Variants in QKI observed in about 807,000 individuals in gnomAD.
QKI encodes QKI, KH domain containing RNA binding, also known as KH domain-containing RNA-binding protein QKI.
QKI carries 10 observed loss-of-function variants against 39.0 expected under a neutral mutation model. The ratio of observed to expected loss-of-function variants is 0.26; its 90% CI spans 0.16 to 0.43. The LOEUF (loss-of-function observed/expected upper bound fraction) is 0.43, where lower values mean the gene tolerates loss of function less well. QKI is among the 20% of genes least tolerant of loss of function. The pLI is 1.00. For missense variants in QKI, 218 were observed against 428.0 expected, an observed-to-expected ratio of 0.51 and a Z score of 4.33; for synonymous variants, 204 against 155.4, an observed-to-expected ratio of 1.31 and a Z score of -2.33.
rs532780495 is a variant in QKI at position 163,419,725 on chromosome 6, A to C, written c.142+4390A>C. Reference sequence around the variant, plus strand: ...TGTAGGTGGAACGTGATTCCTTTGGAAACTGTATCCAGTTTACATGTTTTG... The same window carrying C: ...TGTAGGTGGAACGTGATTCCTTTGGCAACTGTATCCAGTTTACATGTTTTG... On this transcript the variant is annotated intron_variant, in intron 1 of 7. Transcript: ENST00000361752. 2.6e-5 allele frequency among the ~76,000 whole-genome samples: 4 copies of C among 152,312 alleles called. No individual in the cohort carries two copies. The East Asian group carries it at 7.7e-4, about 29-fold the overall frequency.
At chr6:163,552,206 C>CGT (rs1782273438) in intron 4 of QKI, among the ~76,000 whole-genome samples, 3 of 101,770 alleles carry the variant, frequency 2.9e-5, no homozygotes, top group East Asian at 3.0e-4. Flanking sequence ...TTCGTTCGTT[C>CGT]TTTTTTTTTT....
chr6:163,481,363 C>T (rs1378459748), intron 3 of QKI, among the ~76,000 whole-genome samples: 1 of 152,136 alleles, frequency 6.6e-6, no homozygotes, highest in Non-Finnish European at 1.5e-5. Context: ...TGGTCTGAAT[C>T]CTTCCCTACA....
At chr6:163,562,562 G>A (rs1783101260) in intron 5 of QKI, among the ~76,000 whole-genome samples, 1 of 152,050 alleles carries the variant, frequency 6.6e-6, no homozygotes, top group African/African-American at 2.4e-5. Flanking sequence ...GAGATCAGTG[G>A]GTGATAACTC....
chr6:163,518,670 T>C (rs752586361), intron 3 of QKI, among the ~76,000 whole-genome samples: 2 of 152,150 alleles, frequency 1.3e-5, no homozygotes, highest in Non-Finnish European at 2.9e-5. Context: ...GAGATACAAA[T>C]TTAGGTGTTA....
At chr6:163,569,777 G>A (rs1366112429) in intron 7 of QKI, 1 of 987,778 alleles carries the variant, frequency 1.0e-6, no homozygotes, top group African/African-American at 1.7e-5. Context: ...TGTATTTGCA[G>A]AGTATTAGCT....
chr6:163,447,825 G>T (rs1790265928), intron 1 of QKI, among the ~76,000 whole-genome samples: 1 of 152,096 alleles, frequency 6.6e-6, no homozygotes, highest in Non-Finnish European at 1.5e-5. Flanking sequence ...TCCCATGCTT[G>T]CAGTGTTTTG....
intron 4 of QKI, among the ~76,000 whole-genome samples, chr6:163,551,854 A>C (rs577976143): frequency 1.4e-4 from 21 of 152,330 alleles, no homozygotes; most frequent in Non-Finnish European, 2.8e-4. Context: ...ACATATCTTC[A>C]TGGGTAAGTT....
intron 2 of QKI, among the ~76,000 whole-genome samples, chr6:163,459,934 A>G (rs1296900629): frequency 1.3e-5 from 2 of 152,262 alleles, no homozygotes; most frequent in Non-Finnish European, 2.9e-5. Context: ...GAGATGTGTT[A>G]TAAATGATTA....
At position 163,570,987 on chromosome 6, in the gene QKI, A is replaced by T; in HGVS notation, c.*277A>T. Reference sequence around the variant, plus strand: ...AATAAGGCCCAATTCATCCCACAGCACTGATCATCTTTTAATATCCCACCC... The same window carrying T: ...AATAAGGCCCAATTCATCCCACAGCTCTGATCATCTTTTAATATCCCACCC... On this transcript the variant is annotated 3_prime_UTR_variant, in exon 8 of 8. Coordinates refer to ENST00000361752, the MANE Select transcript of QKI (RefSeq NM_006775.3). The T allele has an allele frequency of 3.2e-6, 1 of 311,170 alleles. No homozygotes were observed. The highest frequency in any genetic ancestry group is 5.8e-6 in the Non-Finnish European group (1 of 171,268). 19.3% of individuals were successfully genotyped at this position (311,170 alleles called of 1,614,324 possible).
rs1280387098 is a variant in QKI at position 163,437,503 on chromosome 6, A to T, written c.143-17776A>T. 2.0e-5 allele frequency among the ~76,000 whole-genome samples: 3 copies of T among 152,288 alleles called. No individual in the cohort carries two copies. In the East Asian group the frequency reaches 5.8e-4, roughly 29 times the overall value. On this transcript the variant is annotated intron_variant, in intron 1 of 7. Transcript: ENST00000361752. Reference sequence around the variant, plus strand: ...GTTATGTGCTTAAATCCACACCCGAAATGTAGCCATAATTTAGTTCAAGAT... The same window carrying T: ...GTTATGTGCTTAAATCCACACCCGATATGTAGCCATAATTTAGTTCAAGAT...
In QKI at chr6:163,414,771, A is replaced by C. The variant is rs969736481; in HGVS notation, c.-423A>C. The C allele has an allele frequency of 6.8e-6, 1 of 147,404 alleles. No homozygotes were observed. Among genetic ancestry groups the C allele is most frequent in the Non-Finnish European group, 1.5e-5 (1 of 66,424 alleles). The allele number at this position is 147,404 out of a possible 1,614,324, so 9.1% of individuals were successfully genotyped here. On this transcript the variant is annotated 5_prime_UTR_variant, in exon 1 of 8. Coordinates refer to ENST00000361752, the MANE Select transcript of QKI (RefSeq NM_006775.3). The stretch of plus-strand genomic sequence containing the variant: ...GGCGCCGCGGCGGGGACCAGCCCAG[A>C]GAGACCCCCCGAGCCCGCGGCACAG...
At position 163,415,049 on chromosome 6, in the gene QKI, T is replaced by TCGGCGCGGGAGC. The variant is rs1787313665; in HGVS notation, c.-143_-132dup. ...CGCGCGGTGCCGGCCGCCCCGGGGC[T>TCGGCGCGGGAGC]CGGCGCGGGAGCCAGAGCGGGAGCC... is the stretch of plus-strand genomic sequence containing the variant. On this transcript the variant is annotated 5_prime_UTR_variant, in exon 1 of 8. Transcript: ENST00000361752. 3.6e-6 allele frequency: 3 copies of TCGGCGCGGGAGC among 843,560 alleles called. No homozygotes were observed. Among genetic ancestry groups the TCGGCGCGGGAGC allele is most frequent in the African/African-American group, 1.9e-5 (1 of 52,184 alleles). The allele number at this position is 843,560 out of a possible 1,614,324, so 52.3% of individuals were successfully genotyped here.
rs541180038 is a variant in QKI at position 163,497,777 on chromosome 6, T to G, written c.402+18881T>G. On this transcript the variant is annotated intron_variant, in intron 3 of 7. Transcript: ENST00000361752. Reference sequence around the variant, plus strand: ...TTGCCTAGGATAGTTTTAGCTATATTTATTGTCTAGTTGTAATTACTAATA... The same window carrying G: ...TTGCCTAGGATAGTTTTAGCTATATGTATTGTCTAGTTGTAATTACTAATA... Among the ~76,000 whole-genome samples the G allele has an allele frequency of 1.4e-4, 21 of 151,742 alleles. 1 individual carries two copies. Among genetic ancestry groups the G allele is most frequent in the Admixed American group, 4.6e-4 (7 of 15,236 alleles).
intron 4 of QKI, among the ~76,000 whole-genome samples, chr6:163,538,498 G>A (rs890253757): frequency 6.6e-6 from 1 of 152,172 alleles, no homozygotes; most frequent in African/African-American, 2.4e-5. Context: ...CTGAAGAGCA[G>A]TAGGAGGTGA....
Position 163,572,615 on chromosome 6 carries a change from GTGAATA to G in QKI, c.*1906_*1911del, listed in dbSNP as rs1187247602. ...GCAAAGCCTACATCTAAACACTTGA[GTGAATA>G]ATCATTAACTGCTCAGTACCAGACG... On this transcript the variant is annotated 3_prime_UTR_variant, in exon 8 of 8. Coordinates refer to ENST00000361752, the MANE Select transcript of QKI (RefSeq NM_006775.3). 1 of 138,132 alleles carries G rather than the reference GTGAATA, an allele frequency of 7.2e-6. No individual in the cohort carries two copies. Among genetic ancestry groups the G allele is most frequent in the Non-Finnish European group, 1.5e-5 (1 of 66,348 alleles). 8.6% of individuals were successfully genotyped at this position (138,132 alleles called of 1,614,324 possible). A position where few individuals can be genotyped will look rare whatever the true frequency, so the allele number is the denominator to read the frequency against.
intron 4 of QKI, among the ~76,000 whole-genome samples, chr6:163,545,132 T>G (rs1436908114): frequency 6.6e-6 from 1 of 152,138 alleles, no homozygotes; most frequent in Non-Finnish European, 1.5e-5. Flanking sequence ...GTGTGTAAGG[T>G]ACTCTCATGG....
At chr6:163,415,604 C>T (rs1787388995) in intron 1 of QKI, among the ~76,000 whole-genome samples, 3 of 151,708 alleles carry the variant, frequency 2.0e-5, no homozygotes, top group Admixed American at 2.0e-4. Flanking sequence ...CGGAGGGCTG[C>T]GGGGTGAGCC....
chr6:163,456,817 T>G (rs1182041020), intron 2 of QKI, among the ~76,000 whole-genome samples: 1 of 151,976 alleles, frequency 6.6e-6, no homozygotes, highest in African/African-American at 2.4e-5. Context: ...AGGCTAGGAA[T>G]CAGGGCATCT....
intron 2 of QKI, among the ~76,000 whole-genome samples, chr6:163,469,681 A>G (rs1164991906): frequency 2.0e-5 from 3 of 152,184 alleles, no homozygotes; most frequent in East Asian, 1.9e-4. Flanking sequence ...TGGGTGAGTG[A>G]TAGCATGTAA....
Sources: allele counts gnomAD v4.1 joint callset (sites outside exome capture counted in the v4.1 genomes callset), GRCh38; gene constraint gnomAD v4.1.1; transcripts MANE v1.5; gene names NCBI Gene and HGNC (gene_info 2026-07-23, HGNC 2026-07-21).